The following DESI2 variants were observed in gnomAD, a reference collection of about 807,000 sequenced individuals.
The protein encoded by DESI2 is desumoylating isopeptidase 2.
A neutral mutation model predicts 24.1 loss-of-function variants in DESI2; 10 were observed. That is an observed-to-expected ratio of 0.41 (90% CI 0.26 to 0.70). DESI2 has a LOEUF of 0.70. Ranked by LOEUF, DESI2 falls within the 30% of genes least tolerant of loss-of-function variation. DESI2 has a pLI of 0.29. For synonymous variants in DESI2, 71 were observed against 87.7 expected (o/e 0.81, Z 1.06); for missense variants, 122 against 234.9 (o/e 0.52, Z 3.14).
At position 244,707,771 on chromosome 1, in the gene DESI2, G is replaced by C. The variant is rs1677768146; in HGVS notation, c.*1982G>C. 1 of 152,186 alleles carries C rather than the reference G, an allele frequency of 6.6e-6. No individual in the cohort carries two copies. The highest frequency in any genetic ancestry group is 2.4e-5 in the African/African-American group (1 of 41,436). The allele number at this position is 152,186 out of a possible 1,614,324, so 9.4% of individuals were successfully genotyped here. On this transcript the variant is annotated 3_prime_UTR_variant, in exon 5 of 5. Coordinates refer to ENST00000302550, the MANE Select transcript of DESI2 (RefSeq NM_016076.5). ...AGTGAATATCAGGAACATCCCATCT[G>C]TGCTTAACCAGAATCCAGCAAGTCA...
At chr1:244,671,633 G>A (rs902660900) in intron 1 of DESI2, among the ~76,000 whole-genome samples, 3 of 152,228 alleles carry the variant, frequency 2.0e-5, no homozygotes, top group East Asian at 1.9e-4. Context: ...AACTTTTGGC[G>A]TCTGCTACTA....
Position 244,697,244 on chromosome 1 carries a change from A to G in DESI2, c.351+5224A>G, listed in dbSNP as rs371186837. On this transcript the variant is annotated intron_variant, in intron 4 of 4. Coordinates refer to ENST00000302550, the MANE Select transcript of DESI2 (RefSeq NM_016076.5). Reference sequence around the variant, plus strand: ...AAGGACTGGCAAGGCACGGTGGCTCATGCCTGTAATCCCAGCATTTTGGGA... The same window carrying G: ...AAGGACTGGCAAGGCACGGTGGCTCGTGCCTGTAATCCCAGCATTTTGGGA... Among the ~76,000 whole-genome samples, 144 of 152,258 alleles carry G rather than the reference A, an allele frequency of 9.5e-4. 2 individuals are homozygous for G. Among genetic ancestry groups the G allele is most frequent in the Middle Eastern group, 3.4e-3 (1 of 294 alleles).
At chr1:244,685,265 T>G (rs929200657) in intron 1 of DESI2, among the ~76,000 whole-genome samples, 5 of 152,190 alleles carry the variant, frequency 3.3e-5, no homozygotes, top group Non-Finnish European at 7.4e-5. Flanking sequence ...TCTATTCCCT[T>G]CTATCCATAT....
At position 244,706,883 on chromosome 1, in the gene DESI2, T is replaced by C. The variant is rs1292501129; in HGVS notation, c.*1094T>C. ...GTCTCATTGACCAATCGTTAAAAAA[T>C]CATATTTGTGTGTCTTAAGATTCAT... On this transcript the variant is annotated 3_prime_UTR_variant, in exon 5 of 5. Transcript: ENST00000302550. The C allele has an allele frequency of 1.3e-5, 2 of 152,620 alleles. No homozygotes were observed. The highest frequency in any genetic ancestry group is 4.8e-5 in the African/African-American group (2 of 41,452). 9.5% of individuals were successfully genotyped at this position (152,620 alleles called of 1,614,324 possible).
At chr1:244,696,595 G>A (rs560485044) in intron 4 of DESI2, among the ~76,000 whole-genome samples, 3 of 152,296 alleles carry the variant, frequency 2.0e-5, no homozygotes, top group African/African-American at 7.2e-5. Context: ...ACTCCAGCCT[G>A]GGTGATAGGG....
intron 1 of DESI2, among the ~76,000 whole-genome samples, chr1:244,665,191 A>G (rs1676000891): frequency 6.6e-6 from 1 of 151,448 alleles, no homozygotes; most frequent in Non-Finnish European, 1.5e-5. Context: ...TGTTTTCAGT[A>G]TGCCACTATA....
intron 4 of DESI2, among the ~76,000 whole-genome samples, chr1:244,695,479 T>C (rs1401396291): frequency 6.6e-6 from 1 of 152,050 alleles, no homozygotes; most frequent in Non-Finnish European, 1.5e-5. Context: ...TGTTGAAACC[T>C]CATCTCTAAC....
At chr1:244,680,589 T>C (rs1676573668) in intron 1 of DESI2, among the ~76,000 whole-genome samples, 1 of 152,240 alleles carries the variant, frequency 6.6e-6, no homozygotes, top group Non-Finnish European at 1.5e-5. Flanking sequence ...AGGCACATAA[T>C]ATCAATTGGT....
chr1:244,702,091 G>A (rs1029654856), intron 4 of DESI2, among the ~76,000 whole-genome samples: 9 of 152,168 alleles, frequency 5.9e-5, no homozygotes, highest in Admixed American at 5.9e-4. Context: ...TTGTGACCCA[G>A]TTTACACACA....
At chr1:244,669,538 C>A (rs182847431) in intron 1 of DESI2, among the ~76,000 whole-genome samples, 1 of 151,854 alleles carries the variant, frequency 6.6e-6, no homozygotes, top group Non-Finnish European at 1.5e-5. Flanking sequence ...ATTAGCTGGG[C>A]GTGGTGGCAT....
chr1:244,683,975 A>C (rs1676727675), intron 1 of DESI2, among the ~76,000 whole-genome samples: 1 of 151,530 alleles, frequency 6.6e-6, no homozygotes, highest in African/African-American at 2.4e-5. Context: ...AAAGTACTGG[A>C]ATTACAGGTG....
chr1:244,669,473 G>A (rs986804484), intron 1 of DESI2, among the ~76,000 whole-genome samples: 41 of 152,082 alleles, frequency 2.7e-4, no homozygotes, highest in Non-Finnish European at 5.0e-4. Context: ...GAGGTCAGGA[G>A]TTCGAGACTA....
intron 3 of DESI2, 134 bp from the exon 4 acceptor site, chr1:244,691,740 TTGTTA>T (rs1677036655): frequency 3.0e-6 from 2 of 656,520 alleles, no homozygotes; most frequent in African/African-American, 1.9e-5. Flanking sequence ...ACTTTTAGTC[TTGTTA>T]TATTAACCCT....
intron 4 of DESI2, among the ~76,000 whole-genome samples, chr1:244,705,287 G>A (rs1433601067): frequency 6.6e-6 from 1 of 152,164 alleles, no homozygotes; most frequent in African/African-American, 2.4e-5. Flanking sequence ...AAAGAAAGGA[G>A]CCAAGTGAAA....
intron 1 of DESI2, among the ~76,000 whole-genome samples, chr1:244,669,075 A>G (rs1573189667): frequency 6.6e-6 from 1 of 152,040 alleles, no homozygotes; most frequent in African/African-American, 2.4e-5. Flanking sequence ...GTCATGGCTC[A>G]CTGCAGGCTT....
At chr1:244,681,023 C>T (rs1260378843) in intron 1 of DESI2, among the ~76,000 whole-genome samples, 1 of 149,400 alleles carries the variant, frequency 6.7e-6, no homozygotes, top group Non-Finnish European at 1.5e-5. Flanking sequence ...AGTCCATTAT[C>T]ATTATTCTTT....
intron 1 of DESI2, among the ~76,000 whole-genome samples, chr1:244,669,633 G>T (rs113543754): frequency 2.0e-5 from 3 of 152,078 alleles, no homozygotes; most frequent in African/African-American, 7.2e-5. Flanking sequence ...AGCCAAGATC[G>T]CACCATTACA....
chr1:244,706,130 TTCA>T lies in DESI2; in HGVS notation c.*343_*345del, dbSNP rs545340993. The T allele has an allele frequency of 5.5e-5, 12 of 219,214 alleles. No individual in the cohort carries two copies. In the South Asian group the frequency reaches 6.9e-4, roughly 13 times the overall value. 13.6% of individuals were successfully genotyped at this position (219,214 alleles called of 1,614,324 possible). ...CCTGCCACAGTGAAAGAAGAAAATC[TTCA>T]TGTCTTCAAAAATTAGGCAGGTAAT... On this transcript the variant is annotated 3_prime_UTR_variant, in exon 5 of 5. Coordinates refer to ENST00000302550, the MANE Select transcript of DESI2 (RefSeq NM_016076.5).
chr1:244,705,995 G>GTT lies in DESI2; in HGVS notation c.*213_*214dup. ...AGAACTTTGTAAGAAGCTGCCCTCTGTTTTTTTTATCCACTCGTAAATCTG... is the reference window on the plus strand; with the variant it reads ...AGAACTTTGTAAGAAGCTGCCCTCTGTTTTTTTTTTATCCACTCGTAAATCTG... On this transcript the variant is annotated 3_prime_UTR_variant, in exon 5 of 5. Transcript: ENST00000302550. 1.8e-6 allele frequency: 1 copy of GTT among 547,794 alleles called. No individual in the cohort carries two copies. 33.9% of individuals were successfully genotyped at this position (547,794 alleles called of 1,614,324 possible). A position where few individuals can be genotyped will look rare whatever the true frequency, so the allele number is the denominator to read the frequency against.
Sources: gnomAD v4.1 joint callset for allele counts (sites outside exome capture counted in the v4.1 genomes callset) on GRCh38, gnomAD v4.1.1 for gene constraint, MANE v1.5 for transcripts, NCBI Gene and HGNC (gene_info 2026-07-23, HGNC 2026-07-21) for gene names.